The following TAFA1 variants were observed in gnomAD, a reference collection of about 807,000 sequenced individuals.
The protein encoded by TAFA1 is TAFA chemokine like family member 1.
A neutral mutation model predicts 18.5 loss-of-function variants in TAFA1; 4 were observed. The ratio of observed to expected loss-of-function variants is 0.22; its 90% confidence interval spans 0.11 to 0.49. The LOEUF (loss-of-function observed/expected upper bound fraction) is 0.49, where lower values mean the gene tolerates loss of function less well. Among genes scored for constraint, TAFA1 ranks in the 20% least tolerant of loss-of-function variants. The pLI, the probability that TAFA1 is intolerant of heterozygous loss-of-function variation, is 0.98. For missense variants in TAFA1, 147 were observed against 169.0 expected (o/e 0.87, Z 0.72); for synonymous variants, 56 against 55.2 (o/e 1.01, Z -0.06).
intron 2 of TAFA1, among the ~76,000 whole-genome samples, chr3:68,299,320 C>T (rs1452560757): frequency 6.6e-6 from 1 of 152,182 alleles, no homozygotes; most frequent in East Asian, 1.9e-4. Context: ...GCATTTTGCC[C>T]CTGCTCTAGA....
At chr3:68,186,395 A>C (rs1033145230) in intron 2 of TAFA1, among the ~76,000 whole-genome samples, 2 of 152,050 alleles carry the variant, frequency 1.3e-5, no homozygotes, top group African/African-American at 4.8e-5. Context: ...TCTTTTAAGC[A>C]TTCCAATGTG....
At chr3:68,037,599 T>A (rs1011867140) in intron 2 of TAFA1, among the ~76,000 whole-genome samples, 6 of 152,338 alleles carry the variant, frequency 3.9e-5, no homozygotes, top group African/African-American at 1.4e-4. Context: ...TACAGTTCAG[T>A]AAAATGACTT....
chr3:68,001,063 A>G (rs1203486346), upstream of TAFA1, among the ~76,000 whole-genome samples: 1 of 152,198 alleles, frequency 6.6e-6, no homozygotes, highest in Admixed American at 6.5e-5. Context: ...TGCTTCTGAT[A>G]TATGTTCATA....
At chr3:68,283,551 C>T (rs191670567) in intron 2 of TAFA1, among the ~76,000 whole-genome samples, 4 of 152,246 alleles carry the variant, frequency 2.6e-5, no homozygotes, top group Non-Finnish European at 4.4e-5. Context: ...TTGCAGTGAG[C>T]GCTTCTAAAT....
chr3:68,198,328 G>C (rs554265236), intron 2 of TAFA1, among the ~76,000 whole-genome samples: 1 of 151,570 alleles, frequency 6.6e-6, no homozygotes, highest in Admixed American at 6.6e-5. Flanking sequence ...TAAAATTACT[G>C]TAAATGTGTG....
intron 3 of TAFA1, among the ~76,000 whole-genome samples, chr3:68,422,538 G>T (rs1456422288): frequency 6.6e-6 from 1 of 152,046 alleles, no homozygotes; most frequent in Admixed American, 6.6e-5. Context: ...TTTAAAAGAA[G>T]CATATATTGG....
intron 2 of TAFA1, among the ~76,000 whole-genome samples, chr3:68,399,208 T>G (rs1575834258): frequency 6.6e-6 from 1 of 152,324 alleles, no homozygotes; most frequent in Admixed American, 6.5e-5. Flanking sequence ...CATGATTATC[T>G]TATGAAGAAG....
chr3:68,242,412 A>T (rs2067011027), intron 2 of TAFA1, among the ~76,000 whole-genome samples: 2 of 152,190 alleles, frequency 1.3e-5, no homozygotes, highest in Admixed American at 1.3e-4. Context: ...AAAATGTGAC[A>T]TATGAAGCAA....
chr3:68,509,704 G>C (rs1241953081), intron 3 of TAFA1, among the ~76,000 whole-genome samples: 1 of 152,098 alleles, frequency 6.6e-6, no homozygotes, highest in Non-Finnish European at 1.5e-5. Flanking sequence ...GCTATGTAAA[G>C]GTAATGTATT....
chr3:68,024,832 CAA>C (rs1491395060), intron 2 of TAFA1, among the ~76,000 whole-genome samples: 4 of 151,792 alleles, frequency 2.6e-5, no homozygotes, highest in South Asian at 4.2e-4. Flanking sequence ...CACACACACA[CAA>C]TTATACATTG....
intron 2 of TAFA1, among the ~76,000 whole-genome samples, chr3:68,319,183 C>T (rs1397620638): frequency 6.6e-6 from 1 of 152,188 alleles, no homozygotes; most frequent in Non-Finnish European, 1.5e-5. Flanking sequence ...ATTACTTCTA[C>T]ACTAGTAGAA....
chr3:68,470,946 G>A (rs934061233), intron 3 of TAFA1, among the ~76,000 whole-genome samples: 5 of 152,130 alleles, frequency 3.3e-5, no homozygotes, highest in Non-Finnish European at 7.4e-5. Context: ...AGACCTGGAA[G>A]CCTAGGAGGG....
At chr3:68,130,237 A>AT (rs1340142320) in intron 2 of TAFA1, among the ~76,000 whole-genome samples, 1 of 152,148 alleles carries the variant, frequency 6.6e-6, no homozygotes, top group East Asian at 1.9e-4. Flanking sequence ...ACCTAAAATT[A>AT]TTTTTTGAAT....
intron 2 of TAFA1, among the ~76,000 whole-genome samples, chr3:68,412,165 A>T (rs1486214268): frequency 1.3e-5 from 2 of 152,102 alleles, no homozygotes; most frequent in Non-Finnish European, 2.9e-5. Flanking sequence ...CAAGTCTTTG[A>T]TGAAAATGGA....
At chr3:68,507,346 GAC>G (rs2072775507) in intron 3 of TAFA1, among the ~76,000 whole-genome samples, 1 of 151,694 alleles carries the variant, frequency 6.6e-6, no homozygotes, top group South Asian at 2.1e-4. Context: ...CTACTACTGA[GAC>G]AAAAAATTTA....
chr3:68,014,458 G>A (rs1366653576), intron 2 of TAFA1, among the ~76,000 whole-genome samples: 3 of 152,154 alleles, frequency 2.0e-5, no homozygotes, highest in Non-Finnish European at 2.9e-5. Flanking sequence ...TGAGGAAAGA[G>A]CACCAGAGTA....
At chr3:68,520,631 A>C (rs2073005906) in intron 3 of TAFA1, among the ~76,000 whole-genome samples, 1 of 152,200 alleles carries the variant, frequency 6.6e-6, no homozygotes, top group Admixed American at 6.5e-5. Flanking sequence ...ATTACCACTG[A>C]CACAGAAGTA....
In TAFA1 at chr3:68,405,699, C is replaced by CAAAAAAAAAAAAAAAAAA. The variant is rs56258198; in HGVS notation, c.119-11557_119-11540dup. Among the ~76,000 whole-genome samples, 12 of 32,888 alleles carry CAAAAAAAAAAAAAAAAAA rather than the reference C, an allele frequency of 3.6e-4. 2 individuals are homozygous for CAAAAAAAAAAAAAAAAAA. Among genetic ancestry groups the CAAAAAAAAAAAAAAAAAA allele is most frequent in the Non-Finnish European group, 6.2e-4 (8 of 12,866 alleles). The allele number at this position is 32,888 out of a possible 152,430, so 21.6% of individuals were successfully genotyped here. A position where few individuals can be genotyped will look rare whatever the true frequency, so the allele number is the denominator to read the frequency against. On this transcript the variant is annotated intron_variant, in intron 2 of 4. Transcript: ENST00000478136. ...TAGGCAATGGAGTGAGACTCTATCT[C>CAAAAAAAAAAAAAAAAAA]AAAAAAAAAAAAAAAAAAAAAAAAA...
chr3:68,233,548 C>T (rs1015372203), intron 2 of TAFA1, among the ~76,000 whole-genome samples: 3 of 151,990 alleles, frequency 2.0e-5, no homozygotes, highest in African/African-American at 7.3e-5. Flanking sequence ...GAAGTCAGGT[C>T]GTGTGATACC....
Sources: gnomAD v4.1 joint callset for allele counts (sites outside exome capture counted in the v4.1 genomes callset) on GRCh38, gnomAD v4.1.1 for gene constraint, MANE v1.5 for transcripts, NCBI Gene and HGNC (gene_info 2026-07-23, HGNC 2026-07-21) for gene names.